The following NRDC variants were observed in gnomAD, a reference collection of about 807,000 sequenced individuals.
NRDC encodes nardilysin.
A neutral mutation model predicts 147.1 loss-of-function variants in NRDC; 54 were observed. The observed-to-expected ratio is 0.37, with a 90% CI of 0.29 to 0.46. The LOEUF is 0.46. Among genes scored for constraint, NRDC ranks in the 20% least tolerant of loss-of-function variants. NRDC has a pLI of 1.00. For missense variants in NRDC, 1,082 were observed against 1,370.6 expected (o/e 0.79, Z 3.33); for synonymous variants, 440 against 482.1 (o/e 0.91, Z 1.14).
intron 1 of NRDC, among the ~76,000 whole-genome samples, chr1:51,876,750 A>G (rs551671586): frequency 6.6e-6 from 1 of 152,360 alleles, no homozygotes; most frequent in East Asian, 1.9e-4. Flanking sequence ...ACTTGGAGCT[A>G]AGTGTCATCT....
chr1:51,866,794 T>C (rs970865130), intron 1 of NRDC, among the ~76,000 whole-genome samples: 12 of 152,032 alleles, frequency 7.9e-5, no homozygotes, highest in Admixed American at 3.9e-4. Flanking sequence ...TTAAAAAGTA[T>C]GTTTAATAAA....
At chr1:51,845,899 A>C (rs1208111148) in intron 1 of NRDC, among the ~76,000 whole-genome samples, 1 of 152,170 alleles carries the variant, frequency 6.6e-6, no homozygotes, top group African/African-American at 2.4e-5. Flanking sequence ...GACCTGATAC[A>C]TAGTAGGTAC....
At chr1:51,836,477 A>AAGAATTTTGTTACTCCTATT in intron 2 of NRDC, 1 of 1,563,412 alleles carries the variant, frequency 6.4e-7, no homozygotes, top group South Asian at 1.1e-5. Flanking sequence ...AAAAAAGGGA[A>AAGAATTTTGTTACTCCTATT]GAGGGACTGG....
At chr1:51,832,132 C>T (rs558768938) in intron 4 of NRDC, among the ~76,000 whole-genome samples, 6 of 152,034 alleles carry the variant, frequency 3.9e-5, no homozygotes, top group South Asian at 4.2e-4. Context: ...CTGCAACCTC[C>T]GCCTCCTAGG....
rs549052394 is a variant in NRDC at position 51,842,688 on chromosome 1, A to C, written c.342-2174T>G. ...ATATGAGTACCATTCACATAATGCC[A>C]AAAAACAAGCAAAAGTAAACAGTAT... is the stretch of plus-strand genomic sequence containing the variant. On this transcript the variant is annotated intron_variant, in intron 1 of 30. Transcript: ENST00000352171. 1.3e-4 allele frequency among the ~76,000 whole-genome samples: 20 copies of C among 152,388 alleles called. No individual in the cohort carries two copies. In the South Asian group the frequency reaches 4.1e-3, roughly 32 times the overall value.
intron 16 of NRDC, 134 bp downstream of exon 16, chr1:51,810,147 A>G (rs945686106): frequency 2.3e-5 from 13 of 560,838 alleles, no homozygotes; most frequent in Admixed American, 4.1e-5. Flanking sequence ...TAGTATAAGT[A>G]ATTTTCATTT....
At chr1:51,859,046 G>A (rs571403806) in intron 1 of NRDC, among the ~76,000 whole-genome samples, 2 of 152,152 alleles carry the variant, frequency 1.3e-5, no homozygotes, top group Non-Finnish European at 2.9e-5. Flanking sequence ...GTCTTAGGTT[G>A]TGCTTTTGAG....
At chr1:51,818,694 G>A (rs1323885117) in intron 9 of NRDC, among the ~76,000 whole-genome samples, 4 of 152,098 alleles carry the variant, frequency 2.6e-5, no homozygotes, top group African/African-American at 9.7e-5. Context: ...GCAGAAGCGT[G>A]TAACAAAACA....
At chr1:51,865,135 T>A (rs972080907) in intron 1 of NRDC, among the ~76,000 whole-genome samples, 1 of 151,504 alleles carries the variant, frequency 6.6e-6, no homozygotes, top group Non-Finnish European at 1.5e-5. Context: ...CGACAAAAAA[T>A]TAGCATTCAA....
At chr1:51,797,410 G>A (rs1417364) in intron 22 of NRDC, among the ~76,000 whole-genome samples, 34,948 of 151,954 alleles carry the variant, frequency 0.23, 7,056 homozygotes, top group African/African-American at 0.54. Context: ...CCTATGAGTG[G>A]AATCATATCT....
chr1:51,791,888 G>A (rs559434819), intron 26 of NRDC, among the ~76,000 whole-genome samples, 158 bp downstream of exon 26: 1 of 152,278 alleles, frequency 6.6e-6, no homozygotes, highest in Admixed American at 6.5e-5. Context: ...CCTGATTACA[G>A]TCAAAGATAC....
At chr1:51,820,578 GA>G (rs1194996688) in intron 8 of NRDC, among the ~76,000 whole-genome samples, 1 of 151,836 alleles carries the variant, frequency 6.6e-6, no homozygotes, top group Non-Finnish European at 1.5e-5. Flanking sequence ...CTTCTAATCA[GA>G]AAAAACAGCC....
intron 1 of NRDC, among the ~76,000 whole-genome samples, chr1:51,869,831 T>C (rs541497640): frequency 2.6e-5 from 4 of 152,232 alleles, no homozygotes; most frequent in Non-Finnish European, 4.4e-5. Flanking sequence ...TTTGTAGTAT[T>C]TGTATCATTT....
intron 5 of NRDC, 33 bp from the exon 6 acceptor site, chr1:51,825,415 A>G (rs781163491): frequency 6.9e-7 from 1 of 1,441,440 alleles, no homozygotes; most frequent in East Asian, 2.3e-5. Context: ...TAATAAAACA[A>G]AATTCAGTAT....
In NRDC at chr1:51,833,575, G is replaced by T. The variant is rs186010982; in HGVS notation, c.866+442C>A. Among the ~76,000 whole-genome samples, 777 of 152,040 alleles carry T rather than the reference G, an allele frequency of 5.1e-3. 10 individuals carry two copies. The highest frequency in any genetic ancestry group is 0.018 in the African/African-American group (754 of 41,494). Reference sequence around the variant, plus strand: ...TATATAATAGAACAAGAGTCAAAGTGTATTTAACAGTTTAACAGCTTTTTT... The same window carrying T: ...TATATAATAGAACAAGAGTCAAAGTTTATTTAACAGTTTAACAGCTTTTTT... On this transcript the variant is annotated intron_variant, in intron 4 of 30. Coordinates refer to ENST00000352171, the MANE Select transcript of NRDC (RefSeq NM_001101662.2).
At chr1:51,869,460 A>C (rs530984471) in intron 1 of NRDC, among the ~76,000 whole-genome samples, 1 of 152,362 alleles carries the variant, frequency 6.6e-6, no homozygotes, top group South Asian at 2.1e-4. Flanking sequence ...GAAAAACTAT[A>C]ATTTAAGTAA....
chr1:51,832,590 A>G (rs1457285163), intron 4 of NRDC, among the ~76,000 whole-genome samples: 1 of 152,212 alleles, frequency 6.6e-6, no homozygotes, highest in East Asian at 1.9e-4. Flanking sequence ...TTACATTTCA[A>G]TCTTGCATAT....
intron 3 of NRDC, among the ~76,000 whole-genome samples, chr1:51,834,554 G>A (rs955813175): frequency 6.6e-6 from 1 of 152,060 alleles, no homozygotes; most frequent in African/African-American, 2.4e-5. Flanking sequence ...GACCTCAAGT[G>A]ATCTGCCCAC....
intron 4 of NRDC, among the ~76,000 whole-genome samples, chr1:51,831,582 CTT>C (rs1232005769): frequency 2.2e-4 from 31 of 142,932 alleles, no homozygotes; most frequent in Admixed American, 4.2e-4. Context: ...ATTTATCTTT[CTT>C]TTTTTTTTTT....
Sources: gnomAD v4.1 joint callset for allele counts (sites outside exome capture counted in the v4.1 genomes callset) on GRCh38, gnomAD v4.1.1 for gene constraint, MANE v1.5 for transcripts, NCBI Gene and HGNC (gene_info 2026-07-23, HGNC 2026-07-21) for gene names.